VPS16: variants seen among roughly 807,000 people sequenced by gnomAD.
VPS16 encodes the protein vacuolar protein sorting-associated protein 16 homolog.
A neutral mutation model predicts 116.0 loss-of-function variants in VPS16; 82 were observed. That is an observed-to-expected ratio of 0.71 (90% CI 0.59 to 0.85). The LOEUF is 0.85. Ranked by LOEUF, VPS16 falls within the 40% of genes least tolerant of loss-of-function variation. The probability of loss-of-function intolerance (pLI) is 0.00; values close to 1 mark genes in which losing one functional copy is unlikely to be tolerated. For missense variants in VPS16, 928 were observed against 1,090.6 expected (o/e 0.85, Z 2.10); for synonymous variants, 406 against 420.7 (o/e 0.96, Z 0.43).
chr20:2,863,196 A>T lies in VPS16; in HGVS notation c.1368-94A>T. 3 of 1,610,706 alleles carry T rather than the reference A, an allele frequency of 1.9e-6. No homozygotes were observed. Among genetic ancestry groups the T allele is most frequent in the Non-Finnish European group, 2.5e-6 (3 of 1,177,358 alleles). ...TATGGTCACTGCTCCTGACCTATCT[A>T]GGATGTGGGAGGCCTGATGTGCAGG... On this transcript the variant is annotated intron_variant, in intron 14 of 23. Coordinates refer to ENST00000380445, the MANE Select transcript of VPS16 (RefSeq NM_022575.4). The surrounding 1 kb of genome is among the most constrained non-coding windows in gnomAD (Gnocchi z 4.4).
Position 2,860,884 on chromosome 20 carries a change from T to A in VPS16, c.630+21T>A. On this transcript the variant is annotated intron_variant, in intron 6 of 23. Coordinates refer to ENST00000380445, the MANE Select transcript of VPS16 (RefSeq NM_022575.4). This position sits in a 1 kb window ranked among gnomAD's most constrained non-coding sequence, Gnocchi z 6.1. ...CAGTGGTAAGGGCCCTGAGTGGGAATGAAGTGGACGGGCTGGGTTAGGCAA... is the reference window on the plus strand; with the variant it reads ...CAGTGGTAAGGGCCCTGAGTGGGAAAGAAGTGGACGGGCTGGGTTAGGCAA... 1 of 1,614,086 alleles carries A rather than the reference T, an allele frequency of 6.2e-7. No homozygotes were observed. Among genetic ancestry groups the A allele is most frequent in the Non-Finnish European group, 8.5e-7 (1 of 1,180,028 alleles).
Position 2,842,820 on chromosome 20 carries a change from A to ATC in VPS16, c.53+1993_53+1994insTC, listed in dbSNP as rs2089008538. 3.5e-5 allele frequency among the ~76,000 whole-genome samples: 3 copies of ATC among 84,512 alleles called. 1 individual carries two copies. The highest frequency in any genetic ancestry group is 1.4e-4 in the African/African-American group (3 of 21,678). The allele number at this position is 84,512 out of a possible 152,430, so 55.4% of individuals were successfully genotyped here. On this transcript the variant is annotated intron_variant, in intron 1 of 23. Transcript: ENST00000380445. ...TAGACATATAGATGTATCTATCTATAGATAGACATATAGATGTATCTATCG... is the reference window on the plus strand; with the variant it reads ...TAGACATATAGATGTATCTATCTATATCGATAGACATATAGATGTATCTATCG...
intron 1 of VPS16, among the ~76,000 whole-genome samples, chr20:2,854,914 TCCA>T (rs1465404266): frequency 3.8e-5 from 4 of 103,922 alleles, no homozygotes; most frequent in Non-Finnish European, 6.9e-5. Context: ...CTTGTACATC[TCCA>T]TCAGAGTTTT....
Position 2,865,260 on chromosome 20 carries a change from G to T in VPS16, c.2117G>T (p.Gly706Val). 1 of 1,614,140 alleles carries T rather than the reference G, an allele frequency of 6.2e-7. No homozygotes were observed. Among genetic ancestry groups the T allele is most frequent in the Non-Finnish European group, 8.5e-7 (1 of 1,180,032 alleles). Reference protein sequence around the residue: ...LHDTVTTLILGGHNKRAEQLA... With the variant: ...LHDTVTTLILVGHNKRAEQLA... ...GACACAGTTACCACCCTCATTCTTG[G>T]CGGTCACAACAAGCGTGCAGAGCAG... The change falls in exon 21 of 24, where the codon GGC (glycine) becomes GTC (valine). Residue 706 changes from glycine to valine, a missense_variant. Transcript: ENST00000380445. The surrounding 1 kb of genome is among the most constrained non-coding windows in gnomAD (Gnocchi z 5.2).
At chr20:2,851,885 G>T in intron 1 of VPS16, among the ~76,000 whole-genome samples, 1 of 152,158 alleles carries the variant, frequency 6.6e-6, no homozygotes, top group Non-Finnish European at 1.5e-5. Flanking sequence ...GTAGGAGGAT[G>T]GCGTGAAGTC....
intron 1 of VPS16, among the ~76,000 whole-genome samples, chr20:2,846,852 C>T (rs1024013116): frequency 6.6e-6 from 1 of 152,176 alleles, no homozygotes; most frequent in Admixed American, 6.5e-5. Context: ...ATTGAGGCTA[C>T]CGGTACCTCA....
In VPS16 at chr20:2,866,631, C is replaced by T; in HGVS notation, c.*57C>T. On this transcript the variant is annotated 3_prime_UTR_variant, in exon 24 of 24. Transcript: ENST00000380445. The stretch of plus-strand genomic sequence containing the variant: ...TTCCTCCCCTAGCACCTGGGCTTGG[C>T]AGAAGGGCCATAGTTCATCCAGCTC... The T allele has an allele frequency of 1.2e-6, 2 of 1,600,046 alleles. No individual in the cohort carries two copies. Among genetic ancestry groups the T allele is most frequent in the Non-Finnish European group, 8.5e-7 (1 of 1,173,046 alleles).
chr20:2,858,370 G>A (rs931039178), intron 1 of VPS16, among the ~76,000 whole-genome samples: 1 of 152,114 alleles, frequency 6.6e-6, no homozygotes, highest in Non-Finnish European at 1.5e-5. Flanking sequence ...GCCCCCTAAA[G>A]TGCTCAGATT....
At chr20:2,855,345 A>G (rs2089163024) in intron 1 of VPS16, among the ~76,000 whole-genome samples, 1 of 151,614 alleles carries the variant, frequency 6.6e-6, no homozygotes, top group Admixed American at 6.6e-5. Flanking sequence ...TTAGTAAACC[A>G]TGCTGTAAAC....
chr20:2,853,011 C>T (rs183254489), intron 1 of VPS16, among the ~76,000 whole-genome samples: 2 of 152,270 alleles, frequency 1.3e-5, no homozygotes, highest in East Asian at 1.9e-4. Context: ...CAAACCACGC[C>T]GCTGCTTTAT....
rs1451477631 is a variant in VPS16 at position 2,861,648 on chromosome 20, G to T, written c.843G>T (p.Val281=). 27 of 1,613,004 alleles carry T rather than the reference G, an allele frequency of 1.7e-5. No individual in the cohort carries two copies. The highest frequency in any genetic ancestry group is 2.2e-5 in the Non-Finnish European group (26 of 1,179,906). Residue 281 remains valine (V), a synonymous_variant, in exon 9 of 24, where the codon GTG becomes GTT. Coordinates refer to ENST00000380445, the MANE Select transcript of VPS16 (RefSeq NM_022575.4). ...GTCCTCGTAGCAAGGAGAGGGCCGT[G>T]GTGGTGGCCTGGGAAAGGCGGCTGA... ...CSRPRSKERA[V]VVAWERRLMV...
At position 2,840,759 on chromosome 20, in the gene VPS16, GC is replaced by G; in HGVS notation, c.-14del. On this transcript the variant is annotated 5_prime_UTR_variant, in exon 1 of 24. Transcript: ENST00000380445. ...GGTGTCCCCTCGGTGCTTCCCAGCT[GC>G]CGTCTGCACCAGCCATGGACTGCTA... The G allele has an allele frequency of 6.5e-7, 1 of 1,547,966 alleles. No homozygotes were observed.
At position 2,863,379 on chromosome 20, in the gene VPS16, C is replaced by A; in HGVS notation, c.1457C>A (p.Ala486Asp). 6.2e-7 allele frequency: 1 copy of A among 1,614,198 alleles called. No homozygotes were observed. Among genetic ancestry groups the A allele is most frequent in the Middle Eastern group, 1.6e-4 (1 of 6,062 alleles). ...PEVQGVSRIL[A>D]HWACYKVQQK... ...GTACAGGGCGTCAGCAGGATCCTGG[C>A]CCACTGGGCCTGCTACAAGGCAAGG... Residue 486 changes from alanine to aspartate, a missense_variant, in exon 15 of 24, where the codon GCC (alanine) becomes GAC (aspartate). By Grantham distance (126) the Ala-to-Asp change is moderately radical. Transcript: ENST00000380445. The surrounding 1 kb of genome is among the most constrained non-coding windows in gnomAD (Gnocchi z 4.4).
rs781537016 is a variant in VPS16 at position 2,840,840 on chromosome 20, GC to G, written c.53+16del. The G allele has an allele frequency of 8.7e-5, 80 of 918,632 alleles. No homozygotes were observed. The highest frequency in any genetic ancestry group is 1.2e-4 in the Non-Finnish European group (78 of 643,528). 56.9% of individuals were successfully genotyped at this position (918,632 alleles called of 1,614,324 possible). Reference sequence around the variant, plus strand: ...CTGCCTTTTACCGGTGAGCTGCCCCGCCCTCCCGCCCACGGCCTGGCTTACC... The same window carrying G: ...CTGCCTTTTACCGGTGAGCTGCCCCGCCTCCCGCCCACGGCCTGGCTTACC... On this transcript the variant is annotated intron_variant, in intron 1 of 23. Coordinates refer to ENST00000380445, the MANE Select transcript of VPS16 (RefSeq NM_022575.4).
chr20:2,847,116 G>A lies in VPS16; in HGVS notation c.53+6289G>A, dbSNP rs199587868. Among the ~76,000 whole-genome samples the A allele has an allele frequency of 1.3e-4, 20 of 152,256 alleles. No homozygotes were observed. In the East Asian group the frequency reaches 3.9e-3, roughly 29 times the overall value. On this transcript the variant is annotated intron_variant, in intron 1 of 23. Transcript: ENST00000380445. ...TGAGTCACCTCACTGTCCTCTAGAA[G>A]CCCACTTTACCTCTAAGGCTTCAGG...
chr20:2,853,493 C>A (rs907619827), intron 1 of VPS16, among the ~76,000 whole-genome samples: 5 of 152,244 alleles, frequency 3.3e-5, no homozygotes, highest in African/African-American at 1.2e-4. Flanking sequence ...AATTCAGTCA[C>A]ATCTTCAGGC....
In VPS16 at chr20:2,859,949, AGGCCTGCTTCACATGGGGTG is replaced by A; in HGVS notation, c.143-98_143-79del. On this transcript the variant is annotated intron_variant, in intron 2 of 23. Coordinates refer to ENST00000380445, the MANE Select transcript of VPS16 (RefSeq NM_022575.4). ...AGATGCTTTTACTTCTGGTTTTTATAGGCCTGCTTCACATGGGGTGGGCCTGGGGAGCCAGGATGTGAGGC... is the reference window on the plus strand; with the variant it reads ...AGATGCTTTTACTTCTGGTTTTTATAGGCCTGGGGAGCCAGGATGTGAGGC... The A allele has an allele frequency of 2.0e-6, 3 of 1,521,988 alleles. No individual in the cohort carries two copies. In the East Asian group the frequency reaches 6.8e-5, roughly 34 times the overall value. The allele number at this position is 1,521,988 out of a possible 1,614,324, so 94.3% of individuals were successfully genotyped here.
rs1359113049 is a variant in VPS16 at position 2,854,264 on chromosome 20, C to CACACACAA, written c.54-5454_54-5453insCACACAAA. Among the ~76,000 whole-genome samples the CACACACAA allele has an allele frequency of 7.8e-4, 117 of 150,126 alleles. 1 individual carries two copies. Among genetic ancestry groups the CACACACAA allele is most frequent in the African/African-American group, 2.7e-3 (111 of 40,614 alleles). On this transcript the variant is annotated intron_variant, in intron 1 of 23. Transcript: ENST00000380445. Reference sequence around the variant, plus strand: ...ACACACACACACACACACACACACACAAATTTTTTAGCCAAGTGCACTAGC... The same window carrying CACACACAA: ...ACACACACACACACACACACACACACACACACAAAAATTTTTTAGCCAAGTGCACTAGC...
At chr20:2,853,201 G>A (rs966398797) in intron 1 of VPS16, among the ~76,000 whole-genome samples, 3 of 152,076 alleles carry the variant, frequency 2.0e-5, no homozygotes, top group Non-Finnish European at 4.4e-5. Flanking sequence ...AACCAGCCTG[G>A]CCAACATGGT....
Sources: allele counts gnomAD v4.1 joint callset (sites outside exome capture counted in the v4.1 genomes callset), GRCh38; gene constraint gnomAD v4.1.1; non-coding constraint Gnocchi (gnomAD v3.1); transcripts MANE v1.5; gene names NCBI Gene and HGNC (gene_info 2026-07-23, HGNC 2026-07-21).